NPIPB4: variants seen among roughly 807,000 people sequenced by gnomAD.
The protein encoded by NPIPB4 is nuclear pore complex-interacting protein family member B4.
For synonymous variants in NPIPB4, 31 were observed against 194.1 expected (o/e 0.16, Z 6.99); for missense variants, 105 against 513.7 (o/e 0.20, Z 7.69).
chr16:21,850,669 C>CA (rs1902445914), intron 2 of NPIPB4, among the ~76,000 whole-genome samples: 2 of 2,032 alleles, frequency 9.8e-4, no homozygotes, highest in Non-Finnish European at 1.6e-3. Context: ...GAGACTCTGT[C>CA]TAAAAAAAAA....
chr16:21,850,517 TCTA>T (rs1902423226), intron 2 of NPIPB4, among the ~76,000 whole-genome samples: 2 of 151,518 alleles, frequency 1.3e-5, no homozygotes, highest in African/African-American at 4.9e-5. Flanking sequence ...GGCGTGGTGG[TCTA>T]CTAAAAATAC....
chr16:21,837,272 C>A lies in NPIPB4; in HGVS notation c.1115G>T (p.Cys372Phe), dbSNP rs1456430254. The A allele has an allele frequency of 2.5e-6, 3 of 1,184,118 alleles. 1 individual carries two copies. The Admixed American group carries it at 7.5e-5, about 30-fold the overall frequency. 73.4% of individuals were successfully genotyped at this position (1,184,118 alleles called of 1,614,324 possible). Residue 372 changes from cysteine (C) to phenylalanine (F), a missense_variant, in exon 8 of 8, where the codon TGT becomes TTT. Coordinates refer to ENST00000682606, the MANE Select transcript of NPIPB4 (RefSeq NM_001384980.1). Reference protein sequence around the residue: ...ADDNLKTRAECLLHPLPPSAD... With the variant: ...ADDNLKTRAEFLLHPLPPSAD... ...TGAGGGTGGAAGGGGATGGAGCAGA[C>A]ACTCGGCACGTGTCTTGAGATTATC...
At chr16:21,840,312 G>T (rs1901658278) in intron 5 of NPIPB4, among the ~76,000 whole-genome samples, 1 of 56,984 alleles carries the variant, frequency 1.8e-5, no homozygotes, top group Non-Finnish European at 3.9e-5. Flanking sequence ...GTGGGGTACA[G>T]TTTCTGAACT....
intron 2 of NPIPB4, among the ~76,000 whole-genome samples, chr16:21,849,496 A>G (rs1373869202): frequency 4.1e-5 from 3 of 72,624 alleles, no homozygotes; most frequent in Non-Finnish European, 9.1e-5. Context: ...AAAAAAAATT[A>G]TCAAGGTGGA....
intron 5 of NPIPB4, among the ~76,000 whole-genome samples, chr16:21,840,403 C>T (rs560894346): frequency 8.3e-5 from 9 of 109,052 alleles, no homozygotes; most frequent in African/African-American, 3.0e-4. Flanking sequence ...TTTCTGCATG[C>T]TCACATTCTT....
intron 5 of NPIPB4, among the ~76,000 whole-genome samples, chr16:21,841,998 C>T (rs1333925932): frequency 1.3e-5 from 2 of 151,602 alleles, no homozygotes; most frequent in Admixed American, 6.6e-5. Flanking sequence ...AGGGACTGAG[C>T]CTGCACCGAC....
At chr16:21,840,559 G>A (rs1417855991) in intron 5 of NPIPB4, among the ~76,000 whole-genome samples, 1 of 149,808 alleles carries the variant, frequency 6.7e-6, no homozygotes, top group African/African-American at 2.4e-5. Context: ...TGAACCAACT[G>A]ATTCTCACAA....
At chr16:21,841,713 T>A (rs375359853) in intron 5 of NPIPB4, among the ~76,000 whole-genome samples, 48 of 126,618 alleles carry the variant, frequency 3.8e-4, no homozygotes, top group East Asian at 9.5e-4. Flanking sequence ...TAAACAGACA[T>A]GAGGTGAAGA....
chr16:21,850,670 TAAAAAAAAAAAAA>T (rs1222161652), intron 2 of NPIPB4, among the ~76,000 whole-genome samples: 1 of 4,192 alleles, frequency 2.4e-4, no homozygotes, highest in African/African-American at 7.7e-4. Context: ...AGACTCTGTC[TAAAAAAAAAAAAA>T]AAAAAAAAAA....
intron 5 of NPIPB4, among the ~76,000 whole-genome samples, chr16:21,840,554 C>G (rs1257654795): frequency 1.3e-5 from 2 of 149,874 alleles, no homozygotes; most frequent in Admixed American, 1.3e-4. Flanking sequence ...ACAAATGAAC[C>G]AACTGATTCT....
At chr16:21,841,936 A>G (rs998678489) in intron 5 of NPIPB4, among the ~76,000 whole-genome samples, 19 of 151,708 alleles carry the variant, frequency 1.3e-4, no homozygotes, top group Non-Finnish European at 2.4e-4. Context: ...GTTGAGACCC[A>G]GAAGAGTCAT....
At chr16:21,850,411 G>C (rs1349627943) in intron 2 of NPIPB4, among the ~76,000 whole-genome samples, 4 of 151,924 alleles carry the variant, frequency 2.6e-5, no homozygotes, top group Admixed American at 2.0e-4. Flanking sequence ...CCAGCACTGG[G>C]AGGCTGAGGC....
At chr16:21,850,225 C>T (rs1165240278) in intron 2 of NPIPB4, among the ~76,000 whole-genome samples, 1 of 144,142 alleles carries the variant, frequency 6.9e-6, no homozygotes, top group African/African-American at 2.5e-5. Flanking sequence ...TGCCCCATTG[C>T]ACTCCAGCCT....
In NPIPB4 at chr16:21,836,530, C is replaced by T. The variant is rs777665847; in HGVS notation, c.1857G>A (p.Lys619=). 6.1e-6 allele frequency: 9 copies of T among 1,474,586 alleles called. No homozygotes were observed. The highest frequency in any genetic ancestry group is 8.1e-6 in the Non-Finnish European group (9 of 1,116,660). The allele number at this position is 1,474,586 out of a possible 1,614,324, so 91.3% of individuals were successfully genotyped here. A position where few individuals can be genotyped will look rare whatever the true frequency, so the allele number is the denominator to read the frequency against. The change falls in exon 8 of 8, where the codon AAG becomes AAA. Residue 619 remains lysine, a synonymous_variant. Coordinates refer to ENST00000682606, the MANE Select transcript of NPIPB4 (RefSeq NM_001384980.1). Reference sequence around the variant, plus strand: ...TCCGCTGAGGGTGGAAGGCAGGTGTCTTGATGTTATCATCTGCTGAGGGTG... The same window carrying T: ...TCCGCTGAGGGTGGAAGGCAGGTGTTTTGATGTTATCATCTGCTGAGGGTG... ...SAPPSADDNI[K]TPAFHPQRMI...
chr16:21,835,880 G>C lies in NPIPB4; in HGVS notation c.2507C>G (p.Pro836Arg). 1 of 642,010 alleles carries C rather than the reference G, an allele frequency of 1.6e-6. No homozygotes were observed. The highest frequency in any genetic ancestry group is 3.2e-5 in the East Asian group (1 of 31,554). The allele number at this position is 642,010 out of a possible 1,614,324, so 39.8% of individuals were successfully genotyped here. Residue 836 changes from proline (P) to arginine (R), a missense_variant, in exon 8 of 8, where the codon CCG (proline) becomes CGG (arginine). Transcript: ENST00000682606. Reference protein sequence around the residue: ...PSVCGERLRGPLPPSADDNLK... With the variant: ...PSVCGERLRGRLPPSADDNLK... ...ATTATCATCCGCTGAGGGTGGAAGC[G>C]GCCCCCGCAGACGCTCCCCGCAGAC...
chr16:21,840,182 C>A (rs1901644896), intron 5 of NPIPB4, among the ~76,000 whole-genome samples: 1 of 13,604 alleles, frequency 7.4e-5, no homozygotes, highest in Admixed American at 6.4e-4. Context: ...GTTTTGTGAA[C>A]TCTCTCTCGC....
chr16:21,850,605 G>A (rs2141878289), intron 2 of NPIPB4, among the ~76,000 whole-genome samples: 1 of 131,542 alleles, frequency 7.6e-6, no homozygotes, highest in African/African-American at 3.0e-5. Context: ...CCCAGAAGCG[G>A]AGGTTGCAGT....
rs538540745 is a variant in NPIPB4 at position 21,841,908 on chromosome 16, T to G, written c.545+1478A>C. ...GTCTGCCAATGAAAGCGACCCATAC[T>G]GAAGTCCGCTGGCTCTGGTTGAGAC... is the stretch of plus-strand genomic sequence containing the variant. On this transcript the variant is annotated intron_variant, in intron 5 of 7. Coordinates refer to ENST00000682606, the MANE Select transcript of NPIPB4 (RefSeq NM_001384980.1). Among the ~76,000 whole-genome samples the G allele has an allele frequency of 2.0e-5, 3 of 151,716 alleles. No individual in the cohort carries two copies. The South Asian group carries it at 6.3e-4, about 32-fold the overall frequency.
At chr16:21,850,000 G>A (rs1902347607) in intron 2 of NPIPB4, among the ~76,000 whole-genome samples, 1 of 16,472 alleles carries the variant, frequency 6.1e-5, no homozygotes, top group Non-Finnish European at 1.6e-4. Context: ...GGTGGTTCAC[G>A]CCTGTAATCC....
Sources: allele counts gnomAD v4.1 joint callset (sites outside exome capture counted in the v4.1 genomes callset), GRCh38; gene constraint gnomAD v4.1.1; transcripts MANE v1.5; gene names NCBI Gene and HGNC (gene_info 2026-07-23, HGNC 2026-07-21).